The following ANXA10 variants were observed in gnomAD, a reference collection of about 807,000 sequenced individuals.
ANXA10 encodes the protein annexin 14.
In ANXA10, 49 loss-of-function variants were observed where a neutral mutation model predicts 53.5. That is an observed-to-expected ratio of 0.92 (90% confidence interval 0.73 to 1.16). ANXA10 has a LOEUF of 1.16. Among genes scored for constraint, ANXA10 ranks in the 50% most tolerant of loss-of-function variants. The probability of loss-of-function intolerance (pLI) is 0.00; values close to 1 mark genes in which losing one functional copy is unlikely to be tolerated. For synonymous variants in ANXA10, 131 were observed against 128.9 expected (o/e 1.02, Z -0.11); for missense variants, 393 against 394.4 (o/e 1.00, Z 0.03).
rs1322324898 is a variant in ANXA10, at chr4:168,166,004, C to T, written c.480+678C>T. 5.3e-5 allele frequency among the ~76,000 whole-genome samples: 8 copies of T among 152,156 alleles called. 1 individual carries two copies. The highest frequency in any genetic ancestry group is 3.9e-4 in the Admixed American group (6 of 15,262). On this transcript the variant is annotated intron_variant, in intron 6 of 11. Transcript: ENST00000359299. ...AGAAATAATTTCATTTTTAAAACTGCTACATGGGCTTAGCGCACACTAACA... is the reference window on the plus strand; with the variant it reads ...AGAAATAATTTCATTTTTAAAACTGTTACATGGGCTTAGCGCACACTAACA...
intron 3 of ANXA10, among the ~76,000 whole-genome samples, chr4:168,156,798 C>T (rs76063817): frequency 0.011 from 1,692 of 152,020 alleles, 32 homozygotes; most frequent in African/African-American, 0.037. Context: ...CAACCATGCC[C>T]GGCCCCTATT....
In ANXA10 at chr4:168,178,935, T is replaced by C. The variant is rs187461739; in HGVS notation, c.629-282T>C. Among the ~76,000 whole-genome samples the C allele has an allele frequency of 4.4e-3, 671 of 152,302 alleles. 3 individuals carry two copies. Among genetic ancestry groups the C allele is most frequent in the African/African-American group, 0.015 (615 of 41,584 alleles). On this transcript the variant is annotated intron_variant, in intron 8 of 11. Transcript: ENST00000359299. Reference sequence around the variant, plus strand: ...CATAAATAATGGCTTGTTGTGTGCTTCCTCTCAATTTAAATCAGCAGTGAG... The same window carrying C: ...CATAAATAATGGCTTGTTGTGTGCTCCCTCTCAATTTAAATCAGCAGTGAG...
intron 1 of ANXA10, among the ~76,000 whole-genome samples, chr4:168,105,747 A>G (rs1560958681): frequency 6.6e-6 from 1 of 152,060 alleles, no homozygotes; most frequent in Non-Finnish European, 1.5e-5. Flanking sequence ...GTATATAAGC[A>G]TTCCTTTTTC....
At chr4:168,176,838 GA>G (rs796584936) in intron 6 of ANXA10, among the ~76,000 whole-genome samples, 75 of 143,770 alleles carry the variant, frequency 5.2e-4, no homozygotes, top group African/African-American at 7.4e-4. Flanking sequence ...CTCTTTTTGA[GA>G]AAAAAAAAAA....
At position 168,153,934 on chromosome 4, in the gene ANXA10, TTTC is replaced by T. The variant is rs1422433470; in HGVS notation, c.196-8591_196-8589del. Reference sequence around the variant, plus strand: ...TGTTTATTTTCCTGAAATTATATTATTTCTTTTTTTTTTACAAAATTAGTTCAC... The same window carrying T: ...TGTTTATTTTCCTGAAATTATATTATTTTTTTTTTTACAAAATTAGTTCAC... On this transcript the variant is annotated intron_variant, in intron 3 of 11. Coordinates refer to ENST00000359299, the MANE Select transcript of ANXA10 (RefSeq NM_007193.5). Among the ~76,000 whole-genome samples, 3 of 152,088 alleles carry T rather than the reference TTTC, an allele frequency of 2.0e-5. No individual in the cohort carries two copies. The East Asian group carries it at 5.8e-4, about 29-fold the overall frequency.
chr4:168,166,179 T>C (rs938965293), intron 6 of ANXA10, among the ~76,000 whole-genome samples: 1 of 152,152 alleles, frequency 6.6e-6, no homozygotes, highest in Non-Finnish European at 1.5e-5. Flanking sequence ...AGCTCTATGA[T>C]TGTCTGAAGA....
At chr4:168,156,147 A>T (rs1560784355) in intron 3 of ANXA10, among the ~76,000 whole-genome samples, 16 of 25,074 alleles carry the variant, frequency 6.4e-4, no homozygotes, top group African/African-American at 3.5e-3. Flanking sequence ...ATATAAAAAT[A>T]ATATATATTA....
chr4:168,162,516 T>G lies in ANXA10; in HGVS notation c.196-12T>G. 1 of 1,599,164 alleles carries G rather than the reference T, an allele frequency of 6.3e-7. No homozygotes were observed. The highest frequency in any genetic ancestry group is 1.3e-5 in the African/African-American group (1 of 74,702). On this transcript the variant is annotated splice_polypyrimidine_tract_variant and intron_variant, in intron 3 of 11. Coordinates refer to ENST00000359299, the MANE Select transcript of ANXA10 (RefSeq NM_007193.5). ...TAACATATAATAAATATATGTACTT[T>G]TTCCTCCACAGGACCTGATTGGGGA...
intron 6 of ANXA10, among the ~76,000 whole-genome samples, chr4:168,176,215 T>C (rs1475048761): frequency 6.6e-6 from 1 of 152,196 alleles, no homozygotes; most frequent in Non-Finnish European, 1.5e-5. Context: ...TCTTGGCAAT[T>C]CTGGACATTG....
intron 6 of ANXA10, among the ~76,000 whole-genome samples, chr4:168,168,255 A>ATG (rs1731918171): frequency 1.3e-5 from 2 of 152,250 alleles, no homozygotes; most frequent in Admixed American, 1.3e-4. Flanking sequence ...AGGTTTCTTC[A>ATG]CAGAAGTGTT....
At chr4:168,106,479 C>A (rs1730721486) in intron 1 of ANXA10, among the ~76,000 whole-genome samples, 1 of 151,976 alleles carries the variant, frequency 6.6e-6, no homozygotes, top group Non-Finnish European at 1.5e-5. Context: ...GTGTGATATT[C>A]CAGACAGGTG....
chr4:168,186,943 A>T lies in ANXA10; in HGVS notation c.907-423A>T, dbSNP rs948141777. Among the ~76,000 whole-genome samples, 8 of 152,018 alleles carry T rather than the reference A, an allele frequency of 5.3e-5. No homozygotes were observed. In the East Asian group the frequency reaches 1.5e-3, roughly 29 times the overall value. On this transcript the variant is annotated intron_variant, in intron 11 of 11. Transcript: ENST00000359299. ...TGATTGATAATAACTTTCTTAATATATATTTCTTGAGGTAGAATTACTACA... is the reference window on the plus strand; with the variant it reads ...TGATTGATAATAACTTTCTTAATATTTATTTCTTGAGGTAGAATTACTACA...
At chr4:168,134,111 C>T (rs1177743314) in intron 2 of ANXA10, among the ~76,000 whole-genome samples, 3 of 151,910 alleles carry the variant, frequency 2.0e-5, no homozygotes, top group African/African-American at 7.3e-5. Flanking sequence ...TTCAATTAAG[C>T]AATTATGTGT....
intron 6 of ANXA10, among the ~76,000 whole-genome samples, chr4:168,175,179 T>C (rs1189518916): frequency 2.6e-5 from 4 of 152,168 alleles, no homozygotes; most frequent in Non-Finnish European, 4.4e-5. Flanking sequence ...TGCAGGATCC[T>C]GGAAGCCAAG....
intron 1 of ANXA10, among the ~76,000 whole-genome samples, chr4:168,096,681 G>T (rs1398907665): frequency 1.1e-4 from 16 of 151,706 alleles, no homozygotes; most frequent in Non-Finnish European, 2.9e-5. Context: ...CCTGTTAAGT[G>T]TGATAACAGC....
chr4:168,127,817 C>CCTTTTTTTTT (rs1553997928), intron 1 of ANXA10: 2 of 149,042 alleles, frequency 1.3e-5, no homozygotes, highest in Non-Finnish European at 2.4e-5. Context: ...ATGTTGAAAC[C>CCTTTTTTTTT]TTTTTTTTTT....
intron 5 of ANXA10, among the ~76,000 whole-genome samples, chr4:168,164,542 A>G (rs557338094): frequency 6.6e-6 from 1 of 152,262 alleles, no homozygotes; most frequent in Non-Finnish European, 1.5e-5. Context: ...GAATGTTTTC[A>G]TTAAGACAGG....
intron 3 of ANXA10, among the ~76,000 whole-genome samples, chr4:168,139,781 T>C (rs1222197257): frequency 2.0e-5 from 3 of 152,210 alleles, no homozygotes; most frequent in Non-Finnish European, 4.4e-5. Flanking sequence ...ATGTGAGATA[T>C]GTTCACACTC....
intron 1 of ANXA10, among the ~76,000 whole-genome samples, chr4:168,096,911 C>T (rs867884374): frequency 9.1e-5 from 10 of 109,648 alleles, no homozygotes; most frequent in African/African-American, 2.5e-4. Flanking sequence ...AATACAAATG[C>T]ATATATATAT....
Sources: gnomAD v4.1 joint callset for allele counts (sites outside exome capture counted in the v4.1 genomes callset) on GRCh38, gnomAD v4.1.1 for gene constraint, MANE v1.5 for transcripts, NCBI Gene and HGNC (gene_info 2026-07-23, HGNC 2026-07-21) for gene names.